The following ARHGAP29 variants were observed in gnomAD, a reference collection of about 807,000 sequenced individuals.
ARHGAP29 encodes the protein Rho GTPase activating protein 29.
A neutral mutation model predicts 122.6 loss-of-function variants in ARHGAP29; 43 were observed. The ratio of observed to expected loss-of-function variants is 0.35; its 90% CI spans 0.27 to 0.45. The LOEUF (loss-of-function observed/expected upper bound fraction) is 0.45, where lower values mean the gene tolerates loss of function less well. Ranked by LOEUF, ARHGAP29 falls within the 20% of genes least tolerant of loss-of-function variation. ARHGAP29 has a pLI of 1.00. For missense variants in ARHGAP29, 1,303 were observed against 1,477.2 expected, an observed-to-expected ratio of 0.88 and a Z score of 1.93; for synonymous variants, 506 against 497.1, an observed-to-expected ratio of 1.02 and a Z score of -0.24.
rs953246026 is a variant in ARHGAP29 at position 94,170,814 on chromosome 1, A to C, written c.*3055T>G. Among the ~76,000 whole-genome samples, 5 of 152,190 alleles carry C rather than the reference A, an allele frequency of 3.3e-5. No homozygotes were observed. The highest frequency in any genetic ancestry group is 4.8e-5 in the African/African-American group (2 of 41,452). Reference sequence around the variant, plus strand: ...ACATGGTCTAACATTTTCTCCATCAAGATCTTGTACATCTTTTGTTAGACT... The same window carrying C: ...ACATGGTCTAACATTTTCTCCATCACGATCTTGTACATCTTTTGTTAGACT... On this transcript the variant is annotated 3_prime_UTR_variant, in exon 23 of 23. Coordinates refer to ENST00000260526, the MANE Select transcript of ARHGAP29 (RefSeq NM_004815.4).
At chr1:94,251,122 T>C (rs566850791) in intron 1 of ARHGAP29, among the ~76,000 whole-genome samples, 2 of 152,218 alleles carry the variant, frequency 1.3e-5, no homozygotes, top group South Asian at 4.1e-4. Context: ...TTACATTTCA[T>C]AAATTATTCA....
chr1:94,171,791 C>T lies in ARHGAP29; in HGVS notation c.*2078G>A, dbSNP rs1236692868. 6.6e-6 allele frequency: 1 copy of T among 152,146 alleles called. No homozygotes were observed. The highest frequency in any genetic ancestry group is 2.4e-5 in the African/African-American group (1 of 41,444). The allele number at this position is 152,146 out of a possible 1,614,324, so 9.4% of individuals were successfully genotyped here. On this transcript the variant is annotated 3_prime_UTR_variant, in exon 23 of 23. Transcript: ENST00000260526. ...GGAAAACAGAGAAATGAGTTTATTACATGATATAACCTTTGGGTGGGCTCC... is the reference window on the plus strand; with the variant it reads ...GGAAAACAGAGAAATGAGTTTATTATATGATATAACCTTTGGGTGGGCTCC...
In ARHGAP29 at chr1:94,252,716, T is replaced by C. The variant is rs989437376; in HGVS notation, c.-32-21073A>G. ...AAGTATTCTAATAGAAGTTCTCTAA[T>C]GAAAAAAAAAAAGAATCTTAAATTA... On this transcript the variant is annotated intron_variant and NMD_transcript_variant, in intron 1 of 25. Coordinates refer to the ARHGAP29 transcript ENST00000552844. 8.7e-5 allele frequency among the ~76,000 whole-genome samples: 10 copies of C among 114,304 alleles called. 1 individual carries two copies. Among genetic ancestry groups the C allele is most frequent in the African/African-American group, 2.8e-4 (10 of 35,370 alleles). 75.0% of individuals were successfully genotyped at this position (114,304 alleles called of 152,430 possible).
chr1:94,225,528 T>C (rs1364250544), intron 2 of ARHGAP29, among the ~76,000 whole-genome samples: 1 of 152,082 alleles, frequency 6.6e-6, no homozygotes, highest in Non-Finnish European at 1.5e-5. Context: ...AATACATTTA[T>C]AGCTAGATCC....
chr1:94,255,410 G>A (rs1356272516), intron 1 of ARHGAP29, among the ~76,000 whole-genome samples: 1 of 152,186 alleles, frequency 6.6e-6, no homozygotes, highest in African/African-American at 2.4e-5. Flanking sequence ...CTGCAGTACT[G>A]TGTTATGGCA....
At chr1:94,195,384 T>C (rs1285059370) in intron 12 of ARHGAP29, 1 of 152,208 alleles carries the variant, frequency 6.6e-6, no homozygotes, top group East Asian at 1.9e-4. Context: ...CACACTGTTT[T>C]TTCCTTCACA....
In ARHGAP29 at chr1:94,205,211, A is replaced by G. The variant is rs769565751; in HGVS notation, c.560-13T>C. Reference sequence around the variant, plus strand: ...GGGGAAAAATTTCCTGAAAACAAAAATATCAAGGTAAGTATATGTTAAATG... The same window carrying G: ...GGGGAAAAATTTCCTGAAAACAAAAGTATCAAGGTAAGTATATGTTAAATG... On this transcript the variant is annotated splice_polypyrimidine_tract_variant and intron_variant, in intron 6 of 22. Transcript: ENST00000260526. The G allele has an allele frequency of 9.6e-6, 15 of 1,569,364 alleles. No homozygotes were observed. The highest frequency in any genetic ancestry group is 1.3e-5 in the Non-Finnish European group (15 of 1,160,522).
chr1:94,239,695 C>T (rs568725947), upstream of ARHGAP29, among the ~76,000 whole-genome samples: 33 of 151,570 alleles, frequency 2.2e-4, no homozygotes, highest in African/African-American at 6.5e-4. Flanking sequence ...GACTACCCAC[C>T]GATAGAGAAA....
chr1:94,202,869 A>T (rs1167189265), intron 10 of ARHGAP29, 49 bp downstream of exon 10: 1 of 1,561,720 alleles, frequency 6.4e-7, no homozygotes, highest in Non-Finnish European at 8.7e-7. Flanking sequence ...ACTGCAGATT[A>T]TTTTAAATGT....
intron 13 of ARHGAP29, 41 bp downstream of exon 13, chr1:94,189,885 T>C (rs752498151): frequency 1.3e-6 from 2 of 1,592,474 alleles, no homozygotes; most frequent in East Asian, 4.5e-5. Flanking sequence ...AATTAAGTGT[T>C]TTATATTTTG....
intron 2 of ARHGAP29, among the ~76,000 whole-genome samples, chr1:94,229,570 T>C (rs1652808270): frequency 6.6e-6 from 1 of 151,724 alleles, no homozygotes; most frequent in Non-Finnish European, 1.5e-5. Flanking sequence ...TACTACTGAG[T>C]TGGTTATCAA....
the ARHGAP29 span, among the ~76,000 whole-genome samples, chr1:94,301,047 C>T: frequency 1.3e-5 from 2 of 152,206 alleles, no homozygotes; most frequent in African/African-American, 4.8e-5. Flanking sequence ...GTAGTCTGGA[C>T]TCCTGGGAGT....
At chr1:94,269,558 A>G (rs1654910887) in intron 1 of ARHGAP29, among the ~76,000 whole-genome samples, 1 of 151,114 alleles carries the variant, frequency 6.6e-6, no homozygotes, top group Admixed American at 6.6e-5. Context: ...AGCAAAATAT[A>G]TCATTATTAT....
At chr1:94,301,845 C>G in the ARHGAP29 span, among the ~76,000 whole-genome samples, 33,257 of 152,104 alleles carry the variant, frequency 0.22, 4,766 homozygotes, top group Middle Eastern at 0.37. Flanking sequence ...CTAGCTCTTT[C>G]TCTTACTCTC....
chr1:94,281,991 T>G, the ARHGAP29 span, among the ~76,000 whole-genome samples: 1 of 152,138 alleles, frequency 6.6e-6, no homozygotes, highest in Non-Finnish European at 1.5e-5. Flanking sequence ...TTGAGCCCTT[T>G]TACCAAGGGC....
intron 1 of ARHGAP29, among the ~76,000 whole-genome samples, chr1:94,232,085 C>T (rs1427292032): frequency 6.6e-6 from 1 of 152,070 alleles, no homozygotes; most frequent in Non-Finnish European, 1.5e-5. Flanking sequence ...AGTAGAAGGT[C>T]ATATTCTCCT....
At chr1:94,275,230 A>G (rs536216414), upstream of ARHGAP29, among the ~76,000 whole-genome samples, 5 of 152,318 alleles carry the variant, frequency 3.3e-5, no homozygotes, top group African/African-American at 1.2e-4. Flanking sequence ...GCTGGCCGGG[A>G]GGATTTCTAA....
rs1411700 is a variant in ARHGAP29, at chr1:94,169,407, C to A, written c.*4462G>T. On this transcript the variant is annotated 3_prime_UTR_variant, in exon 23 of 23. Transcript: ENST00000260526. ...ATATTTGGGACTGGGTGTGATGAGA[C>A]AGCAGCTGGCATGTCAAGAGGTTGA... Among the ~76,000 whole-genome samples the A allele has an allele frequency of 0.33, 50,321 of 151,850 alleles. 8,559 individuals carry two copies. The highest frequency in any genetic ancestry group is 0.43 in the South Asian group (2,073 of 4,796).
chr1:94,194,811 T>A (rs1557851024), intron 12 of ARHGAP29: 1 of 152,178 alleles, frequency 6.6e-6, no homozygotes, highest in Admixed American at 6.5e-5. Context: ...TAATGAGAAT[T>A]TACAATGCTA....
Sources: allele counts gnomAD v4.1 joint callset (sites outside exome capture counted in the v4.1 genomes callset), GRCh38; gene constraint gnomAD v4.1.1; transcripts MANE v1.5; gene names NCBI Gene and HGNC (gene_info 2026-07-23, HGNC 2026-07-21).